The following CIRSR variants were observed in gnomAD, a reference collection of about 807,000 sequenced individuals.
The protein encoded by CIRSR is corepressor of RBPJ and splicing regulator.
At chr2:174,374,019 G>C in the CIRSR span, among the ~76,000 whole-genome samples, 1 of 152,292 alleles carries the variant, frequency 6.6e-6, no homozygotes, top group African/African-American at 2.4e-5. Context: ...TTCTACAACA[G>C]CCCCTCTGCA....
chr2:174,363,413 A>C, the CIRSR span, among the ~76,000 whole-genome samples: 1 of 152,224 alleles, frequency 6.6e-6, no homozygotes, highest in Non-Finnish European at 1.5e-5. Flanking sequence ...CAGTGACAGC[A>C]AACAGTAGAC....
the CIRSR span, among the ~76,000 whole-genome samples, chr2:174,370,910 C>CAAAAAAAAAAA: frequency 7.8e-6 from 1 of 128,676 alleles, no homozygotes; most frequent in African/African-American, 3.0e-5. Flanking sequence ...GACTCCGTCT[C>CAAAAAAAAAAA]AAAAAAAAAA....
the CIRSR span, among the ~76,000 whole-genome samples, chr2:174,373,697 G>C: frequency 2.5e-3 from 384 of 151,326 alleles, no homozygotes; most frequent in African/African-American, 8.8e-3. Flanking sequence ...CATTCCCCTA[G>C]GGCTGGATAT....
chr2:174,374,714 G>A, the CIRSR span, among the ~76,000 whole-genome samples: 2 of 152,204 alleles, frequency 1.3e-5, no homozygotes, highest in South Asian at 4.1e-4. Context: ...CTCAGTCTGT[G>A]TGCTTAACCG....
the CIRSR span, among the ~76,000 whole-genome samples, chr2:174,354,575 T>TATCATATAATATATATTATATA: frequency 6.5e-5 from 1 of 15,360 alleles, no homozygotes; most frequent in South Asian, 3.6e-3. Flanking sequence ...TATATTATAT[T>TATCATATAATATATATTATATA]ATATATTATA....
the CIRSR span, among the ~76,000 whole-genome samples, chr2:174,353,590 C>G: frequency 6.6e-6 from 1 of 152,122 alleles, no homozygotes; most frequent in Non-Finnish European, 1.5e-5. Flanking sequence ...GCCTCAGCCT[C>G]TGGAGTAGCT....
chr2:174,350,798 G>T, the CIRSR span: 1 of 1,286,740 alleles, frequency 7.8e-7, no homozygotes, highest in Non-Finnish European at 1.1e-6. Context: ...AAGGTAGTTA[G>T]TAGATAAAAA....
At chr2:174,362,062 C>G in the CIRSR span, among the ~76,000 whole-genome samples, 1 of 152,092 alleles carries the variant, frequency 6.6e-6, no homozygotes, top group East Asian at 1.9e-4. Context: ...CTTTGGGAGG[C>G]TGAGGCCAGA....
the CIRSR span, among the ~76,000 whole-genome samples, chr2:174,377,824 C>CAAAAAA: frequency 7.3e-3 from 436 of 59,640 alleles, 15 homozygotes; most frequent in Non-Finnish European, 9.7e-3. Flanking sequence ...GACGCCATCT[C>CAAAAAA]AAAAAAAAAA....
the CIRSR span, chr2:174,348,968 T>G: frequency 6.2e-7 from 1 of 1,600,484 alleles, no homozygotes; most frequent in Non-Finnish European, 8.5e-7. Flanking sequence ...TGTTTTTCTT[T>G]CTTTTCTTCC....
the CIRSR span, among the ~76,000 whole-genome samples, chr2:174,365,177 G>C: frequency 1.3e-5 from 2 of 152,220 alleles, no homozygotes; most frequent in South Asian, 4.1e-4. Context: ...CAAATCTCTA[G>C]GGCAGGAGCA....
At chr2:174,356,439 G>A in the CIRSR span, among the ~76,000 whole-genome samples, 14 of 151,680 alleles carry the variant, frequency 9.2e-5, no homozygotes, top group African/African-American at 1.5e-4. Flanking sequence ...ACTGCACTCC[G>A]GCCTCAGCAA....
At chr2:174,378,195 T>C in the CIRSR span, among the ~76,000 whole-genome samples, 28 of 152,242 alleles carry the variant, frequency 1.8e-4, no homozygotes, top group African/African-American at 2.4e-5. Flanking sequence ...GCTTTAAAAA[T>C]GCAAAAAATC....
the CIRSR span, chr2:174,380,088 T>TA: frequency 3.1e-6 from 2 of 643,186 alleles, no homozygotes; most frequent in Non-Finnish European, 5.3e-6. Flanking sequence ...TATTATCTGA[T>TA]ACAAATAAAA....
the CIRSR span, among the ~76,000 whole-genome samples, chr2:174,355,741 G>A: frequency 6.6e-6 from 1 of 152,084 alleles, no homozygotes; most frequent in Admixed American, 6.5e-5. Flanking sequence ...ACAATGAAAG[G>A]TAAAAAAAGA....
At chr2:174,354,561 T>TATA in the CIRSR span, among the ~76,000 whole-genome samples, 1 of 75,978 alleles carries the variant, frequency 1.3e-5, no homozygotes, top group South Asian at 2.7e-4. Context: ...TTATATATAT[T>TATA]TTATATATTA....
At chr2:174,393,716 G>T in the CIRSR span, among the ~76,000 whole-genome samples, 1 of 151,018 alleles carries the variant, frequency 6.6e-6, no homozygotes, top group African/African-American at 2.4e-5. Context: ...CTTTACTGGA[G>T]TATGACATAT....
the CIRSR span, among the ~76,000 whole-genome samples, chr2:174,349,817 A>G: frequency 6.6e-6 from 1 of 152,124 alleles, no homozygotes; most frequent in East Asian, 1.9e-4. Context: ...GGTGTGTAAC[A>G]TCAGTTGGAA....
the CIRSR span, among the ~76,000 whole-genome samples, chr2:174,357,587 A>C: frequency 6.6e-6 from 1 of 152,212 alleles, no homozygotes; most frequent in Non-Finnish European, 1.5e-5. Flanking sequence ...CCTAAAGTTA[A>C]ATTGGCTATA....
Sources: gnomAD v4.1 joint callset for allele counts (sites outside exome capture counted in the v4.1 genomes callset) on GRCh38, gnomAD v4.1.1 for gene constraint, MANE v1.5 for transcripts, NCBI Gene and HGNC (gene_info 2026-07-23, HGNC 2026-07-21) for gene names.